The following ZSCAN31 variants were observed in gnomAD, a reference collection of about 807,000 sequenced individuals.
The protein encoded by ZSCAN31 is zinc finger and SCAN domain-containing protein 31.
ZSCAN31 carries 14 observed loss-of-function variants against 22.5 expected under a neutral mutation model. The ratio of observed to expected loss-of-function variants is 0.62; its 90% CI spans 0.41 to 0.97. The LOEUF is 0.97. Among genes scored for constraint, ZSCAN31 ranks in the 50% least tolerant of loss-of-function variants. The pLI is 0.00. For missense variants in ZSCAN31, 424 were observed against 483.4 expected, an observed-to-expected ratio of 0.88 and a Z score of 1.15; for synonymous variants, 168 against 169.8, an observed-to-expected ratio of 0.99 and a Z score of 0.08.
chr6:28,352,886 GT>G (rs1400455536), intron 2 of ZSCAN31, among the ~76,000 whole-genome samples: 1 of 151,984 alleles, frequency 6.6e-6, no homozygotes, highest in African/African-American at 2.4e-5. Flanking sequence ...AGGAATAGAG[GT>G]TCAGGAAGAC....
chr6:28,337,184 A>G (rs894170394), upstream of ZSCAN31, among the ~76,000 whole-genome samples: 4 of 152,212 alleles, frequency 2.6e-5, no homozygotes, highest in African/African-American at 7.2e-5. Flanking sequence ...GAGCAAAGGA[A>G]ATAAATTTCT....
chr6:28,330,053 T>C (rs2113802337), intron 1 of ZSCAN31, among the ~76,000 whole-genome samples: 1 of 152,320 alleles, frequency 6.6e-6, no homozygotes, highest in East Asian at 1.9e-4. Context: ...TTGCCAATGA[T>C]ATTAGCAAAT....
In ZSCAN31 at chr6:28,336,131, CA is replaced by C. The variant is rs1764151031; in HGVS notation, c.-146del. 6.6e-6 allele frequency: 1 copy of C among 152,352 alleles called. No homozygotes were observed. 9.4% of individuals were successfully genotyped at this position (152,352 alleles called of 1,614,324 possible). A position where few individuals can be genotyped will look rare whatever the true frequency, so the allele number is the denominator to read the frequency against. On this transcript the variant is annotated 5_prime_UTR_variant, in exon 1 of 4. In the 5' UTR this introduces an upstream ATG that the reference lacks. Transcript: ENST00000344279. Reference sequence around the variant, plus strand: ...AACAGGTGGCGGGGCTGCAGCACCCCAATGACCGATCAACCGCAAAGGCCGG... The same window carrying C: ...AACAGGTGGCGGGGCTGCAGCACCCCATGACCGATCAACCGCAAAGGCCGG...
rs1336960483 is a variant in ZSCAN31 at position 28,333,293 on chromosome 6, A to G, written c.-96+2789T>C. ...AGGAGAGACTCATTACTAGTAACTA[A>G]CCTATTTATTTGCTCATTTAGTCAA... On this transcript the variant is annotated intron_variant, in intron 1 of 3. Transcript: ENST00000344279. The surrounding 1 kb of genome is among the most constrained non-coding windows in gnomAD (Gnocchi z 4.1). Among the ~76,000 whole-genome samples, 1 of 152,134 alleles carries G rather than the reference A, an allele frequency of 6.6e-6. No homozygotes were observed. Among genetic ancestry groups the G allele is most frequent in the African/African-American group, 2.4e-5 (1 of 41,418 alleles).
rs1308987998 is a variant in ZSCAN31, at chr6:28,331,735, T to A, written c.-95-1957A>T. ...ATTAAACATGTAGCTTCTCATGGCC[T>A]TAGGTTTATAGGCAAAAATTGTTCT... On this transcript the variant is annotated intron_variant, in intron 1 of 3. Coordinates refer to ENST00000344279, the MANE Select transcript of ZSCAN31 (RefSeq NM_030899.5). This position sits in a 1 kb window ranked among gnomAD's most constrained non-coding sequence, Gnocchi z 4.8. Among the ~76,000 whole-genome samples, 1 of 152,236 alleles carries A rather than the reference T, an allele frequency of 6.6e-6. No homozygotes were observed. The highest frequency in any genetic ancestry group is 1.5e-5 in the Non-Finnish European group (1 of 68,032).
intron 2 of ZSCAN31, among the ~76,000 whole-genome samples, chr6:28,345,641 C>T (rs1439649383): frequency 1.3e-5 from 2 of 152,178 alleles, no homozygotes; most frequent in African/African-American, 4.8e-5. Flanking sequence ...TCATAGGACT[C>T]AGCTAGTACT....
At chr6:28,350,414 T>A (rs759618796) in intron 2 of ZSCAN31, 2 of 152,310 alleles carry the variant, frequency 1.3e-5, no homozygotes, top group Middle Eastern at 3.4e-3. Context: ...TTTAAATTAT[T>A]CTGTGGTACT....
chr6:28,331,383 T>C lies in ZSCAN31; in HGVS notation c.-95-1605A>G, dbSNP rs1242620109. ...ACTTGGAAGTTTTTCAGTTACACTT[T>C]ATTGGGTGAAAATGCATTTATTCAA... On this transcript the variant is annotated intron_variant, in intron 1 of 3. Coordinates refer to ENST00000344279, the MANE Select transcript of ZSCAN31 (RefSeq NM_030899.5). The surrounding 1 kb of genome is among the most constrained non-coding windows in gnomAD (Gnocchi z 4.8). 6.6e-6 allele frequency among the ~76,000 whole-genome samples: 1 copy of C among 152,212 alleles called. No individual in the cohort carries two copies. The highest frequency in any genetic ancestry group is 2.4e-5 in the African/African-American group (1 of 41,464).
At chr6:28,334,823 T>G (rs918292358) in intron 1 of ZSCAN31, among the ~76,000 whole-genome samples, 1 of 152,170 alleles carries the variant, frequency 6.6e-6, no homozygotes, top group Admixed American at 6.5e-5. Flanking sequence ...GAACTAGGTG[T>G]TAGGTGAAGC....
At chr6:28,328,518 C>A (rs1763486313) in intron 2 of ZSCAN31, among the ~76,000 whole-genome samples, 1 of 152,200 alleles carries the variant, frequency 6.6e-6, no homozygotes, top group Non-Finnish European at 1.5e-5. Context: ...AACTGGCAGT[C>A]AGAATTTAAG....
chr6:28,351,549 ACT>A lies in ZSCAN31; in HGVS notation c.-371+2311_-371+2312del, dbSNP rs1765016290. 6.6e-6 allele frequency among the ~76,000 whole-genome samples: 1 copy of A among 152,128 alleles called. No individual in the cohort carries two copies. The highest frequency in any genetic ancestry group is 1.5e-5 in the Non-Finnish European group (1 of 68,010). ...TACAATGAACACCAATATAACCATG[ACT>A]CAGCTTCAGCCATCATCTTTTGGTC... On this transcript the variant is annotated intron_variant, in intron 2 of 7. Transcript: ENST00000396838. This position sits in a 1 kb window ranked among gnomAD's most constrained non-coding sequence, Gnocchi z 4.6.
chr6:28,353,219 A>C (rs1374091422), intron 2 of ZSCAN31: 1 of 152,696 alleles, frequency 6.5e-6, no homozygotes, highest in African/African-American at 2.4e-5. Flanking sequence ...TGCCCACCTC[A>C]GCCTCCCAAA....
chr6:28,332,513 T>C (rs1291687785), intron 1 of ZSCAN31: 2 of 152,198 alleles, frequency 1.3e-5, no homozygotes, highest in Non-Finnish European at 2.9e-5. Flanking sequence ...ACTCCTCTTA[T>C]AGGTGTTATG....
In ZSCAN31 at chr6:28,347,087, A is replaced by G. The variant is rs1335354214; in HGVS notation, c.-370-5295T>C. Among the ~76,000 whole-genome samples the G allele has an allele frequency of 1.3e-5, 2 of 152,166 alleles. No individual in the cohort carries two copies. Among genetic ancestry groups the G allele is most frequent in the East Asian group, 3.9e-4 (2 of 5,192 alleles). On this transcript the variant is annotated intron_variant, in intron 2 of 7. Coordinates refer to the ZSCAN31 transcript ENST00000396838. The surrounding 1 kb of genome is among the most constrained non-coding windows in gnomAD (Gnocchi z 5.2). ...ATACCCCTTACATCAAGGCAAGGCA[A>G]TTCTTAAGGACTGTCCCATCCCTTG...
At chr6:28,355,351 C>T (rs72854536), upstream of ZSCAN31, 6,867 of 152,252 alleles carry the variant, frequency 0.045, 242 homozygotes, top group Non-Finnish European at 0.064. Context: ...ATGCGCGCGA[C>T]GACTGTAGCC....
chr6:28,346,629 T>A (rs1441143680), intron 2 of ZSCAN31, among the ~76,000 whole-genome samples: 1 of 152,168 alleles, frequency 6.6e-6, no homozygotes, highest in African/African-American at 2.4e-5. Context: ...AGTGCTGGGA[T>A]TACAGGTGTG....
chr6:28,345,001 C>T (rs1764582928), intron 2 of ZSCAN31, among the ~76,000 whole-genome samples: 1 of 150,584 alleles, frequency 6.6e-6, no homozygotes, highest in South Asian at 2.1e-4. Context: ...AAAAAATTAG[C>T]CGGCATGGTG....
upstream of ZSCAN31, chr6:28,336,262 C>G (rs1764160115): frequency 1.3e-5 from 2 of 152,234 alleles, no homozygotes; most frequent in African/African-American, 4.8e-5. Context: ...ATTGCAAACC[C>G]CGGGGCCAAA....
intron 1 of ZSCAN31, among the ~76,000 whole-genome samples, chr6:28,334,138 G>A (rs1424513317): frequency 2.6e-5 from 4 of 152,176 alleles, no homozygotes; most frequent in Non-Finnish European, 5.9e-5. Context: ...TGAGCTAAGA[G>A]CTTGGAATAT....
Sources: allele counts gnomAD v4.1 joint callset (sites outside exome capture counted in the v4.1 genomes callset), GRCh38; gene constraint gnomAD v4.1.1; non-coding constraint Gnocchi (gnomAD v3.1); transcripts MANE v1.5; gene names NCBI Gene and HGNC (gene_info 2026-07-23, HGNC 2026-07-21).